The following GRIN2B variants were observed in gnomAD, a reference collection of about 807,000 sequenced individuals.
The protein encoded by GRIN2B is glutamate ionotropic receptor NMDA type subunit 2B.
Under a neutral mutation model 114.5 loss-of-function variants are expected in GRIN2B, and 5 were observed. That is an observed-to-expected ratio of 0.04 (90% confidence interval 0.02 to 0.09). The LOEUF is 0.09. GRIN2B is among the 10% of genes least tolerant of loss of function. The pLI is 1.00. For synonymous variants in GRIN2B, 787 were observed against 745.1 expected, an observed-to-expected ratio of 1.06 and a Z score of -0.92; for missense variants, 1,108 against 1,943.5, an observed-to-expected ratio of 0.57 and a Z score of 8.08.
At chr12:13,858,833 A>G (rs1004794003) in intron 3 of GRIN2B, among the ~76,000 whole-genome samples, 2 of 152,210 alleles carry the variant, frequency 1.3e-5, no homozygotes, top group Non-Finnish European at 2.9e-5. Flanking sequence ...GAAAATCCTG[A>G]TAAGTTCTGA....
chr12:13,572,049 C>T (rs1948715745), intron 10 of GRIN2B, 85 bp from the exon 11 acceptor site: 2 of 1,098,576 alleles, frequency 1.8e-6, no homozygotes, highest in East Asian at 5.1e-5. Context: ...TGTGAAGAGA[C>T]ATTAAGTAAG....
At chr12:13,698,715 C>G (rs905153062) in intron 4 of GRIN2B, among the ~76,000 whole-genome samples, 7 of 152,180 alleles carry the variant, frequency 4.6e-5, no homozygotes, top group Non-Finnish European at 1.0e-4. Flanking sequence ...CAGAGTTTCT[C>G]TCTGTCACCC....
Position 13,675,729 on chromosome 12 carries a change from C to T in GRIN2B, c.1125+16G>A, listed in dbSNP as rs367966059. On this transcript the variant is annotated intron_variant, in intron 5 of 13. Coordinates refer to ENST00000609686, the MANE Select transcript of GRIN2B (RefSeq NM_000834.5). ...CTACTCTACTTTGCTCAAGAATTGTCAAAGACATGTCTTACCCTTTCCCAC... is the reference window on the plus strand; with the variant it reads ...CTACTCTACTTTGCTCAAGAATTGTTAAAGACATGTCTTACCCTTTCCCAC... 1.4e-6 allele frequency: 2 copies of T among 1,460,962 alleles called. No individual in the cohort carries two copies. The highest frequency in any genetic ancestry group is 1.9e-6 in the Non-Finnish European group (2 of 1,040,482). The allele number at this position is 1,460,962 out of a possible 1,614,324, so 90.5% of individuals were successfully genotyped here. A position where few individuals can be genotyped will look rare whatever the true frequency, so the allele number is the denominator to read the frequency against.
At chr12:13,588,341 C>A (rs1416265434) in intron 10 of GRIN2B, among the ~76,000 whole-genome samples, 1 of 152,162 alleles carries the variant, frequency 6.6e-6, no homozygotes, top group Admixed American at 6.5e-5. Flanking sequence ...ATAGACATGA[C>A]CAGTTGTTGG....
intron 4 of GRIN2B, among the ~76,000 whole-genome samples, chr12:13,701,046 G>A (rs768962021): frequency 2.0e-5 from 3 of 152,180 alleles, no homozygotes; most frequent in Non-Finnish European, 4.4e-5. Context: ...AAGGGGAAAC[G>A]AGGCACCTAC....
At chr12:13,587,782 T>C (rs374502827) in intron 10 of GRIN2B, among the ~76,000 whole-genome samples, 2 of 152,328 alleles carry the variant, frequency 1.3e-5, no homozygotes, top group African/African-American at 4.8e-5. Flanking sequence ...AGTAAGCAAA[T>C]GGGCTGAAGA....
At chr12:13,846,148 T>C (rs189410890) in intron 3 of GRIN2B, among the ~76,000 whole-genome samples, 5 of 152,282 alleles carry the variant, frequency 3.3e-5, no homozygotes, top group Admixed American at 1.3e-4. Flanking sequence ...CAAACAGCTA[T>C]ATGGATTATA....
At chr12:13,633,303 G>T (rs980071838) in intron 5 of GRIN2B, among the ~76,000 whole-genome samples, 10 of 152,314 alleles carry the variant, frequency 6.6e-5, no homozygotes, top group Admixed American at 4.6e-4. Context: ...CTACTGAATT[G>T]GCAACTGTGG....
intron 3 of GRIN2B, among the ~76,000 whole-genome samples, chr12:13,808,915 C>G (rs1864673612): frequency 6.6e-6 from 1 of 152,058 alleles, no homozygotes; most frequent in African/African-American, 2.4e-5. Context: ...AGCTTAATAA[C>G]AGATTCTATC....
chr12:13,567,344 G>T, intron 12 of GRIN2B, 81 bp from the exon 13 acceptor site: 1 of 873,512 alleles, frequency 1.1e-6, no homozygotes, highest in Non-Finnish European at 1.9e-6. Flanking sequence ...GAGGAGTATT[G>T]AGCAAGAAAG....
At chr12:13,925,729 A>G (rs531632399) in intron 2 of GRIN2B, among the ~76,000 whole-genome samples, 1 of 152,124 alleles carries the variant, frequency 6.6e-6, no homozygotes, top group Non-Finnish European at 1.5e-5. Flanking sequence ...ATTAAAATTC[A>G]AGCATTTCAA....
chr12:13,955,202 G>A (rs1867568108), intron 2 of GRIN2B, among the ~76,000 whole-genome samples: 2 of 152,162 alleles, frequency 1.3e-5, no homozygotes, highest in African/African-American at 4.8e-5. Context: ...TATTCTATTT[G>A]ATTGGATATT....
intron 2 of GRIN2B, among the ~76,000 whole-genome samples, chr12:13,976,147 T>C (rs1241964098): frequency 1.3e-5 from 2 of 152,250 alleles, no homozygotes; most frequent in African/African-American, 4.8e-5. Flanking sequence ...TCATCCCGAC[T>C]ACATTCTGTT....
intron 10 of GRIN2B, among the ~76,000 whole-genome samples, chr12:13,599,130 C>G (rs12300019): frequency 1.3e-5 from 2 of 152,258 alleles, no homozygotes; most frequent in South Asian, 2.1e-4. Context: ...AGGAAACATC[C>G]GAGACTATAG....
intron 3 of GRIN2B, among the ~76,000 whole-genome samples, chr12:13,858,640 C>G (rs117382517): frequency 6.6e-6 from 1 of 151,940 alleles, no homozygotes; most frequent in Non-Finnish European, 1.5e-5. Context: ...CCTAGTACCA[C>G]GAATATTTTC....
In GRIN2B at chr12:13,867,861, T is replaced by G. The variant is rs539447298; in HGVS notation, c.-18-1635A>C. Among the ~76,000 whole-genome samples the G allele has an allele frequency of 1.5e-3, 220 of 150,780 alleles. 1 individual carries two copies. Among genetic ancestry groups the G allele is most frequent in the African/African-American group, 5.0e-3 (206 of 41,048 alleles). On this transcript the variant is annotated intron_variant, in intron 2 of 13. Transcript: ENST00000609686. Reference sequence around the variant, plus strand: ...AAAGAGAGAGAGCATACAATCAAGGTTGAAAATGCTGCTTCAGATCTCCTG... The same window carrying G: ...AAAGAGAGAGAGCATACAATCAAGGGTGAAAATGCTGCTTCAGATCTCCTG...
chr12:13,539,287 G>A lies in GRIN2B; in HGVS notation c.*23496C>T, dbSNP rs1948248650. The A allele has an allele frequency of 6.6e-6, 1 of 152,232 alleles. No homozygotes were observed. Among genetic ancestry groups the A allele is most frequent in the Non-Finnish European group, 1.5e-5 (1 of 68,034 alleles). 9.4% of individuals were successfully genotyped at this position (152,232 alleles called of 1,614,324 possible). ...CCAGGCTCCTTGGCCATGAGACAGA[G>A]TTCTTCTAAATGGTCTCTAGAAGGT... On this transcript the variant is annotated 3_prime_UTR_variant, in exon 14 of 14. Transcript: ENST00000609686.
At chr12:13,973,741 A>G (rs914304758) in intron 2 of GRIN2B, among the ~76,000 whole-genome samples, 6 of 152,248 alleles carry the variant, frequency 3.9e-5, no homozygotes, top group African/African-American at 1.4e-4. Context: ...ATAAGTCATC[A>G]GGCTGAGCTT....
Position 13,546,423 on chromosome 12 carries a change from G to C in GRIN2B, c.*16360C>G, listed in dbSNP as rs1371941122. On this transcript the variant is annotated 3_prime_UTR_variant, in exon 14 of 14. Transcript: ENST00000609686. Reference sequence around the variant, plus strand: ...GGCAGCACAGCCTCTCCTTCTGCCAGAGCTCACAGGGAATGACAAATCTCT... The same window carrying C: ...GGCAGCACAGCCTCTCCTTCTGCCACAGCTCACAGGGAATGACAAATCTCT... 4 of 152,234 alleles carry C rather than the reference G, an allele frequency of 2.6e-5. No individual in the cohort carries two copies. The highest frequency in any genetic ancestry group is 4.4e-5 in the Non-Finnish European group (3 of 68,052). 9.4% of individuals were successfully genotyped at this position (152,234 alleles called of 1,614,324 possible).
Sources: allele counts gnomAD v4.1 joint callset (sites outside exome capture counted in the v4.1 genomes callset), GRCh38; gene constraint gnomAD v4.1.1; transcripts MANE v1.5; gene names NCBI Gene and HGNC (gene_info 2026-07-23, HGNC 2026-07-21).